The following NUB1 variants were observed in gnomAD, a reference collection of about 807,000 sequenced individuals.
NUB1 encodes NEDD8 ultimate buster 1.
In NUB1, 41 loss-of-function variants were observed where a neutral mutation model predicts 77.1. The observed-to-expected ratio is 0.53, with a 90% CI of 0.41 to 0.69. The LOEUF is 0.69. Ranked by LOEUF, NUB1 falls within the 30% of genes least tolerant of loss-of-function variation. The pLI is 0.00. For missense variants in NUB1, 643 were observed against 743.8 expected (o/e 0.86, Z 1.58); for synonymous variants, 257 against 281.0 (o/e 0.91, Z 0.85).
In NUB1 at chr7:151,367,048, G is replaced by GA. The variant is rs760102115; in HGVS notation, c.918dup (p.Leu307IlefsTer9). Reference sequence around the variant, plus strand: ...ACAGCTGGAATGCCTTGATGATGCAGAAAAAAAATTAAACTTGGCCCAGAA... The same window carrying GA: ...ACAGCTGGAATGCCTTGATGATGCAGAAAAAAAAATTAAACTTGGCCCAGAA... On this transcript the variant is annotated frameshift_variant, in exon 9 of 15. Transcript: ENST00000568733. LOFTEE classifies it high-confidence loss of function. The GA allele has an allele frequency of 2.5e-6, 4 of 1,613,324 alleles. No homozygotes were observed. Among genetic ancestry groups the GA allele is most frequent in the Admixed American group, 1.7e-5 (1 of 59,932 alleles).
chr7:151,366,194 C>T (rs1275947303), intron 8 of NUB1, among the ~76,000 whole-genome samples: 4 of 152,172 alleles, frequency 2.6e-5, no homozygotes, highest in Admixed American at 6.5e-5. Flanking sequence ...CCCTTTGCTG[C>T]GCCTGGGTTC....
At chr7:151,353,521 A>T (rs1266434164) in intron 5 of NUB1, among the ~76,000 whole-genome samples, 1 of 152,158 alleles carries the variant, frequency 6.6e-6, no homozygotes, top group Admixed American at 6.5e-5. Flanking sequence ...CACAACAAAG[A>T]CTTGTCCAGT....
chr7:151,366,274 A>G (rs907381346), intron 8 of NUB1, among the ~76,000 whole-genome samples: 1 of 152,192 alleles, frequency 6.6e-6, no homozygotes, highest in Non-Finnish European at 1.5e-5. Flanking sequence ...CTGGGCCGTT[A>G]GAGCCTGGTG....
chr7:151,374,531 G>T, intron 12 of NUB1: 1 of 485,620 alleles, frequency 2.1e-6, no homozygotes, highest in Non-Finnish European at 3.7e-6. Flanking sequence ...GTGTGCAGCA[G>T]AGTTTAGTGA....
intron 6 of NUB1, 31 bp downstream of exon 6, chr7:151,355,981 C>T: frequency 6.2e-7 from 1 of 1,608,172 alleles, no homozygotes; most frequent in Non-Finnish European, 8.5e-7. Context: ...GTCACCCACT[C>T]AGCTGCTTGG....
chr7:151,341,893 C>T (rs1409941355), intron 1 of NUB1, 47 bp downstream of exon 1: 2 of 1,450,082 alleles, frequency 1.4e-6, no homozygotes, highest in Non-Finnish European at 1.8e-6. Flanking sequence ...CTCAGCAGCA[C>T]TGCTTGGCGC....
At chr7:151,353,345 A>C (rs1796906955) in intron 5 of NUB1, among the ~76,000 whole-genome samples, 1 of 152,004 alleles carries the variant, frequency 6.6e-6, no homozygotes, top group Non-Finnish European at 1.5e-5. Flanking sequence ...CTTTTTAAGG[A>C]TGGAGGGGCA....
Position 151,349,075 on chromosome 7 carries a change from C to T in NUB1, c.120C>T (p.Asp40=). The change falls in exon 3 of 15, where the codon GAC becomes GAT. Residue 40 remains aspartate, a splice_region_variant and synonymous_variant. Coordinates refer to ENST00000568733, the MANE Select transcript of NUB1 (RefSeq NM_001243351.2). ...CATTTTCTGATTTTTCTTGATAGGA[C>T]CTTGCTAAGCAGTACTCTGACAGAC... ...ENKKVGLALK[D]LAKQYSDRLE... is the part of the protein sequence containing the mutation. 1 of 1,601,762 alleles carries T rather than the reference C, an allele frequency of 6.2e-7. No individual in the cohort carries two copies. Among genetic ancestry groups the T allele is most frequent in the Non-Finnish European group, 8.5e-7 (1 of 1,176,588 alleles).
intron 11 of NUB1, among the ~76,000 whole-genome samples, chr7:151,372,096 G>A (rs780232718): frequency 5.9e-5 from 9 of 152,216 alleles, no homozygotes; most frequent in African/African-American, 1.7e-4. Flanking sequence ...AGCAACAGCT[G>A]TAGAAACGGA....
intron 11 of NUB1, 151 bp downstream of exon 11, chr7:151,369,038 C>CAAGAAAA: frequency 1.1e-6 from 1 of 896,066 alleles, no homozygotes; most frequent in Non-Finnish European, 1.6e-6. Flanking sequence ...GACAGAGTCT[C>CAAGAAAA]ACTTTGTCAT....
intron 1 of NUB1, among the ~76,000 whole-genome samples, chr7:151,343,741 A>T (rs1584929620): frequency 6.6e-6 from 1 of 151,888 alleles, no homozygotes; most frequent in Admixed American, 6.6e-5. Flanking sequence ...GCAGCAAGGG[A>T]CTCCATGACG....
Position 151,351,416 on chromosome 7 carries a change from T to G in NUB1, c.286-8T>G. 3 of 1,605,548 alleles carry G rather than the reference T, an allele frequency of 1.9e-6. No homozygotes were observed. The South Asian group carries it at 3.3e-5, about 18-fold the overall frequency. On this transcript the variant is annotated splice_region_variant and splice_polypyrimidine_tract_variant and intron_variant, in intron 3 of 14. Transcript: ENST00000568733. ...CAAGTACGTTTTACTTTGTCTTATT[T>G]TTAACAGGATAGGAAAAACTTGTTG...
intron 12 of NUB1, 27 bp downstream of exon 12, chr7:151,374,270 C>T: frequency 6.4e-7 from 1 of 1,550,492 alleles, no homozygotes; most frequent in South Asian, 1.2e-5. Flanking sequence ...GGCCTCTGGC[C>T]TTGTCCCTGA....
chr7:151,376,895 T>A, intron 14 of NUB1, 84 bp downstream of exon 14: 1 of 1,473,216 alleles, frequency 6.8e-7, no homozygotes, highest in Non-Finnish European at 9.1e-7. Context: ...ACGGCAGATG[T>A]GGAGACTGAG....
chr7:151,353,674 G>T (rs1471778890), intron 5 of NUB1, among the ~76,000 whole-genome samples: 1 of 152,208 alleles, frequency 6.6e-6, no homozygotes, highest in African/African-American at 2.4e-5. Flanking sequence ...GAAAGGTCAC[G>T]CAGTAGGGGA....
chr7:151,344,180 C>CAAAAAAAAAAAAAAAAAAA (rs561127147), intron 1 of NUB1, among the ~76,000 whole-genome samples: 4 of 45,644 alleles, frequency 8.8e-5, no homozygotes, highest in Non-Finnish European at 1.1e-4. Context: ...GACTCCCTCT[C>CAAAAAAAAAAAAAAAAAAA]AAAAAAAAAA....
intron 3 of NUB1, among the ~76,000 whole-genome samples, chr7:151,349,507 G>A (rs555870235): frequency 6.6e-6 from 1 of 152,360 alleles, no homozygotes; most frequent in South Asian, 2.1e-4. Flanking sequence ...TGTGAACGTT[G>A]AGAAATAATG....
At chr7:151,351,930 C>CACACACAT (rs1796819224) in intron 4 of NUB1, among the ~76,000 whole-genome samples, 2 of 151,924 alleles carry the variant, frequency 1.3e-5, no homozygotes, top group African/African-American at 4.8e-5. Context: ...CACACACACA[C>CACACACAT]ACACACGTTT....
At chr7:151,359,733 C>T (rs1314877983) in intron 7 of NUB1, among the ~76,000 whole-genome samples, 3 of 152,146 alleles carry the variant, frequency 2.0e-5, no homozygotes, top group Admixed American at 6.5e-5. Flanking sequence ...CCCGAGATCG[C>T]ACCACTGCCC....
Sources: gnomAD v4.1 joint callset for allele counts (sites outside exome capture counted in the v4.1 genomes callset) on GRCh38, gnomAD v4.1.1 for gene constraint, MANE v1.5 for transcripts, NCBI Gene and HGNC (gene_info 2026-07-23, HGNC 2026-07-21) for gene names.